The following RSPH14 variants were observed in gnomAD, a reference collection of about 807,000 sequenced individuals.
RSPH14 encodes the protein radial spoke head 14 homolog.
RSPH14 carries 20 observed loss-of-function variants against 26.7 expected under a neutral mutation model. The ratio of observed to expected loss-of-function variants is 0.75; its 90% confidence interval spans 0.53 to 1.09. RSPH14 has a LOEUF of 1.09. Among genes scored for constraint, RSPH14 ranks in the 50% least tolerant of loss-of-function variants. The pLI, the probability that RSPH14 is intolerant of heterozygous loss-of-function variation, is 0.00. For synonymous variants in RSPH14, 177 were observed against 189.3 expected, an observed-to-expected ratio of 0.93 and a Z score of 0.53; for missense variants, 449 against 457.2, an observed-to-expected ratio of 0.98 and a Z score of 0.16.
intron 4 of RSPH14, among the ~76,000 whole-genome samples, chr22:23,091,617 T>C (rs1858746): frequency 0.37 from 52,565 of 142,558 alleles, 9,900 homozygotes; most frequent in African/African-American, 0.54. Flanking sequence ...TACACGCATA[T>C]GCACCGCAAT....
chr22:23,105,740 T>A (rs1175791974), intron 4 of RSPH14, among the ~76,000 whole-genome samples: 1 of 152,212 alleles, frequency 6.6e-6, no homozygotes, highest in Non-Finnish European at 1.5e-5. Context: ...TGCTGTTTGT[T>A]AATTTCCCTT....
chr22:23,174,941 T>C, the RSPH14 span, among the ~76,000 whole-genome samples: 1 of 150,454 alleles, frequency 6.6e-6, no homozygotes, highest in South Asian at 2.1e-4. Flanking sequence ...CACTGCAGCC[T>C]GGGCAACAAG....
At chr22:23,162,729 G>A in the RSPH14 span, 234,882 of 455,854 alleles carry the variant, frequency 0.52, 61,155 homozygotes, top group East Asian at 0.64. Context: ...GTTGCTTCCC[G>A]TAGATGGCGA....
intron 4 of RSPH14, chr22:23,096,042 G>A (rs755263774): frequency 1.2e-6 from 2 of 1,606,948 alleles, no homozygotes; most frequent in South Asian, 2.2e-5. Context: ...CCCGCTGAGA[G>A]CAAGGGCGAG....
chr22:23,164,878 G>A, the RSPH14 span, among the ~76,000 whole-genome samples: 4 of 151,876 alleles, frequency 2.6e-5, no homozygotes, highest in African/African-American at 7.3e-5. Context: ...TCTGGCTTTC[G>A]AGGCTCCTCA....
intron 4 of RSPH14, chr22:23,070,353 T>TGACGGCG (rs1555945389): frequency 7.7e-5 from 11 of 142,308 alleles, no homozygotes; most frequent in African/African-American, 2.5e-4. Flanking sequence ...ACCCGCGGAC[T>TGACGGCG]GGCGGCGGGC....
chr22:23,145,580 C>T (rs1386375955), upstream of RSPH14: 2 of 1,584,436 alleles, frequency 1.3e-6, no homozygotes, highest in Non-Finnish European at 1.7e-6. Context: ...TCTGTCCGAC[C>T]CTCCCGGTCA....
chr22:23,149,738 T>G (rs1251446935), upstream of RSPH14, among the ~76,000 whole-genome samples: 1 of 152,084 alleles, frequency 6.6e-6, no homozygotes, highest in Non-Finnish European at 1.5e-5. Context: ...CCAAAAGAGC[T>G]CCACTCGTCT....
chr22:23,067,704 C>T (rs2068243284), intron 4 of RSPH14, among the ~76,000 whole-genome samples: 1 of 152,202 alleles, frequency 6.6e-6, no homozygotes, highest in African/African-American at 2.4e-5. Context: ...CCCAACTGCT[C>T]CTCCATCTTT....
chr22:23,081,196 A>T (rs2068667998), intron 4 of RSPH14, among the ~76,000 whole-genome samples: 1 of 152,216 alleles, frequency 6.6e-6, no homozygotes. Flanking sequence ...AACAGCCTAA[A>T]GTTCAGATTC....
the RSPH14 span, chr22:23,159,187 G>A: frequency 2.5e-6 from 4 of 1,610,890 alleles, no homozygotes; most frequent in African/African-American, 1.3e-5. Context: ...TGAGCAGGCC[G>A]AAGCAGACGC....
At chr22:23,164,668 G>A in the RSPH14 span, among the ~76,000 whole-genome samples, 9 of 152,274 alleles carry the variant, frequency 5.9e-5, no homozygotes, top group African/African-American at 1.4e-4. Flanking sequence ...GCCAAGGTGC[G>A]GCAATGACCA....
chr22:23,107,496 C>T (rs1157714612), intron 4 of RSPH14, among the ~76,000 whole-genome samples: 1 of 152,186 alleles, frequency 6.6e-6, no homozygotes, highest in Non-Finnish European at 1.5e-5. Context: ...GTTGTGGCCA[C>T]CCCAGGTTGT....
At chr22:23,175,634 T>G in the RSPH14 span, among the ~76,000 whole-genome samples, 2 of 152,228 alleles carry the variant, frequency 1.3e-5, no homozygotes, top group Non-Finnish European at 2.9e-5. Context: ...TTATGAAGAA[T>G]TTAGAAAAGC....
the RSPH14 span, among the ~76,000 whole-genome samples, chr22:23,174,930 G>T: frequency 1.4e-3 from 215 of 151,398 alleles, 1 homozygote; most frequent in Non-Finnish European, 2.6e-4. Flanking sequence ...TCACGCCATT[G>T]CACTGCAGCC....
intron 4 of RSPH14, chr22:23,096,139 C>T: frequency 5.6e-6 from 9 of 1,612,628 alleles, no homozygotes; most frequent in Non-Finnish European, 7.6e-6. Context: ...GCGAGTACCA[C>T]CTGGAGGACA....
chr22:23,174,314 G>GGAA, the RSPH14 span, among the ~76,000 whole-genome samples: 5 of 151,606 alleles, frequency 3.3e-5, no homozygotes, highest in Non-Finnish European at 7.4e-5. Context: ...TGAGTTAGGA[G>GGAA]GATCACTTAA....
rs371469666 is a variant in RSPH14 at position 23,136,235 on chromosome 22, C to T, written c.303-2091G>A. 364 of 711,484 alleles carry T rather than the reference C, an allele frequency of 5.1e-4. 4 individuals are homozygous for T. The East Asian group carries it at 7.6e-3, about 15-fold the overall frequency. The allele number at this position is 711,484 out of a possible 1,614,324, so 44.1% of individuals were successfully genotyped here. On this transcript the variant is annotated intron_variant, in intron 3 of 6. Coordinates refer to ENST00000216036, the MANE Select transcript of RSPH14 (RefSeq NM_014433.3). ...CAGGCTGCCAGGAAGCTCTCTTGTC[C>T]GTGGGATGTCATGCAAATTAACTCC...
intron 4 of RSPH14, among the ~76,000 whole-genome samples, chr22:23,103,433 C>T (rs1414591428): frequency 6.6e-6 from 1 of 152,158 alleles, no homozygotes; most frequent in Non-Finnish European, 1.5e-5. Flanking sequence ...TACTGAAGAA[C>T]CCGACAGTGT....
Sources: gnomAD v4.1 joint callset for allele counts (sites outside exome capture counted in the v4.1 genomes callset) on GRCh38, gnomAD v4.1.1 for gene constraint, MANE v1.5 for transcripts, NCBI Gene and HGNC (gene_info 2026-07-23, HGNC 2026-07-21) for gene names.